Variants in SCN7A observed in about 807,000 individuals in gnomAD.
The protein encoded by SCN7A is sodium voltage-gated channel alpha subunit 7.
SCN7A carries 138 observed loss-of-function variants against 155.2 expected under a neutral mutation model. That is an observed-to-expected ratio of 0.89 (90% CI 0.77 to 1.02). The LOEUF (loss-of-function observed/expected upper bound fraction) is 1.02, where lower values mean the gene tolerates loss of function less well. Among genes scored for constraint, SCN7A ranks in the 50% least tolerant of loss-of-function variants. SCN7A has a pLI of 0.00. For synonymous variants in SCN7A, 693 were observed against 649.0 expected, an observed-to-expected ratio of 1.07 and a Z score of -1.03; for missense variants, 2,058 against 1,986.6, an observed-to-expected ratio of 1.04 and a Z score of -0.68.
At chr2:166,443,848 C>T (rs988361456) in intron 13 of SCN7A, among the ~76,000 whole-genome samples, 172 bp from the exon 14 acceptor site, 7 of 152,252 alleles carry the variant, frequency 4.6e-5, no homozygotes, top group Non-Finnish European at 8.8e-5. Flanking sequence ...CAGACTCATA[C>T]ATTTTATTTA....
intron 20 of SCN7A, 23 bp downstream of exon 20, chr2:166,421,167 T>C: frequency 7.1e-7 from 1 of 1,414,492 alleles, no homozygotes; most frequent in Non-Finnish European, 9.5e-7. Flanking sequence ...ATTTGTAGAT[T>C]AGCTTAGAAA....
At chr2:166,469,771 G>T (rs1702613453) in intron 7 of SCN7A, among the ~76,000 whole-genome samples, 1 of 151,882 alleles carries the variant, frequency 6.6e-6, no homozygotes, top group South Asian at 2.1e-4. Context: ...TCCTTCACTA[G>T]ATTTGGTAAA....
chr2:166,469,074 G>GT (rs1007339276), intron 7 of SCN7A, among the ~76,000 whole-genome samples: 3 of 149,538 alleles, frequency 2.0e-5, no homozygotes, highest in African/African-American at 7.4e-5. Context: ...TTTTTTTTAA[G>GT]TTTTTTCTAT....
intron 7 of SCN7A, among the ~76,000 whole-genome samples, chr2:166,468,796 T>G (rs1305340150): frequency 1.3e-5 from 2 of 151,816 alleles, no homozygotes; most frequent in African/African-American, 4.8e-5. Flanking sequence ...AAGTATAGAA[T>G]TCTAGTGTCT....
chr2:166,406,116 T>C lies in SCN7A; in HGVS notation c.4513A>G (p.Lys1505Glu). The part of the protein sequence containing the change: ...VMEFLNIASK[K>E]KNKTLSEDDF... ...TCTTCACTCAAGGTCTTGTTTTTCTTCTTAGAAGCAATATTTAAAAACTCC... is the reference window on the plus strand; with the variant it reads ...TCTTCACTCAAGGTCTTGTTTTTCTCCTTAGAAGCAATATTTAAAAACTCC... Residue 1505 changes from lysine (K) to glutamate (E), a missense_variant, in exon 26 of 26, where the codon AAG becomes GAG. Transcript: ENST00000643258. 3 of 1,611,892 alleles carry C rather than the reference T, an allele frequency of 1.9e-6. No individual in the cohort carries two copies. The highest frequency in any genetic ancestry group is 2.5e-6 in the Non-Finnish European group (3 of 1,178,830).
At position 166,405,474 on chromosome 2, in the gene SCN7A, G is replaced by T; in HGVS notation, c.*106C>A. On this transcript the variant is annotated 3_prime_UTR_variant, in exon 26 of 26. Coordinates refer to ENST00000643258, the MANE Select transcript of SCN7A (RefSeq NM_002976.4). ...TGTGAATACAAGCTTAATTACCATCGGTTGTAAAGAACTGATTATTATCTC... is the reference window on the plus strand; with the variant it reads ...TGTGAATACAAGCTTAATTACCATCTGTTGTAAAGAACTGATTATTATCTC... The T allele has an allele frequency of 1.2e-6, 1 of 812,620 alleles. No homozygotes were observed. Among genetic ancestry groups the T allele is most frequent in the Non-Finnish European group, 1.9e-6 (1 of 523,008 alleles). 50.3% of individuals were successfully genotyped at this position (812,620 alleles called of 1,614,324 possible). A position where few individuals can be genotyped will look rare whatever the true frequency, so the allele number is the denominator to read the frequency against.
chr2:166,406,251 T>A lies in SCN7A; in HGVS notation c.4378A>T (p.Thr1460Ser), dbSNP rs1314287458. The A allele has an allele frequency of 1.2e-6, 2 of 1,613,062 alleles. No individual in the cohort carries two copies. Among genetic ancestry groups the A allele is most frequent in the Non-Finnish European group, 1.7e-6 (2 of 1,179,532 alleles). Residue 1460 changes from threonine to serine, a missense_variant, in exon 26 of 26, where the codon ACT becomes TCT. Transcript: ENST00000643258. ...DCDPDKINPG[T>S]QVRGDCGNPS... Reference sequence around the variant, plus strand: ...TTCCCACAATCTCCTCTAACTTGAGTCCCAGGGTTAATTTTATCAGGATCA... The same window carrying A: ...TTCCCACAATCTCCTCTAACTTGAGACCCAGGGTTAATTTTATCAGGATCA...
At chr2:166,475,603 A>G (rs896240051) in intron 3 of SCN7A, among the ~76,000 whole-genome samples, 1 of 151,894 alleles carries the variant, frequency 6.6e-6, no homozygotes, top group Non-Finnish European at 1.5e-5. Context: ...AAAGAGCCAA[A>G]GTAAATCTGA....
chr2:166,449,756 C>T (rs988142517), intron 11 of SCN7A, among the ~76,000 whole-genome samples: 5 of 151,986 alleles, frequency 3.3e-5, no homozygotes, highest in African/African-American at 9.7e-5. Context: ...AATCATCTCC[C>T]ACCAGTAAGA....
intron 20 of SCN7A, among the ~76,000 whole-genome samples, chr2:166,419,235 C>A (rs1701456419): frequency 6.6e-6 from 1 of 151,704 alleles, no homozygotes; most frequent in Non-Finnish European, 1.5e-5. Flanking sequence ...TACATATTTA[C>A]TTAGGGGGGT....
At position 166,409,927 on chromosome 2, in the gene SCN7A, G is replaced by T; in HGVS notation, c.3720C>A (p.Leu1240=). ...TTACCACATCAAAGATGAATCCTTG[G>T]AGCTTGTTCTGTGGGTAAAATCAAC... The part of the protein sequence containing the change: ...QRPVPRPLNK[L]QGFIFDVVTS... Residue 1240 remains leucine (L), a synonymous_variant, in exon 25 of 26, where the codon CTC becomes CTA. Transcript: ENST00000643258. 1 of 1,561,116 alleles carries T rather than the reference G, an allele frequency of 6.4e-7. No homozygotes were observed. Among genetic ancestry groups the T allele is most frequent in the South Asian group, 1.2e-5 (1 of 84,018 alleles).
chr2:166,443,631 C>A lies in SCN7A; in HGVS notation c.1672G>T (p.Ala558Ser), dbSNP rs747754175. 1.9e-6 allele frequency: 3 copies of A among 1,561,278 alleles called. No homozygotes were observed. The highest frequency in any genetic ancestry group is 2.6e-6 in the Non-Finnish European group (3 of 1,152,488). The part of the protein sequence containing the change: ...FTAEMIFKII[A>S]MHPYGYFQVG... The stretch of plus-strand genomic sequence containing the variant: ...TGGAAATACCCATATGGATGCATTG[C>A]AATTATTTTAAAAATCATTTCTGCT... The change falls in exon 14 of 26, where the codon GCA (alanine) becomes TCA (serine). Residue 558 changes from alanine to serine, a missense_variant. By Grantham distance (99) the Ala-to-Ser change is moderately conservative. Transcript: ENST00000643258.
chr2:166,423,541 C>G (rs536763433), intron 18 of SCN7A, 109 bp from the exon 19 acceptor site: 2 of 1,221,148 alleles, frequency 1.6e-6, no homozygotes, highest in African/African-American at 3.1e-5. Context: ...ATGGTGAGCA[C>G]TGTCAGAGAT....
At chr2:166,423,131 G>T (rs1701546487) in intron 19 of SCN7A, 128 bp downstream of exon 19, 5 of 838,662 alleles carry the variant, frequency 6.0e-6, no homozygotes, top group Admixed American at 3.4e-5. Context: ...ACTAAGAAAG[G>T]TGTCATGTAC....
At chr2:166,456,387 A>T (rs1702274824) in intron 11 of SCN7A, among the ~76,000 whole-genome samples, 1 of 152,184 alleles carries the variant, frequency 6.6e-6, no homozygotes, top group Admixed American at 6.6e-5. Flanking sequence ...GCTCTAATAA[A>T]GCAACTATTT....
chr2:166,460,386 T>C (rs963017651), intron 10 of SCN7A, among the ~76,000 whole-genome samples: 3 of 152,222 alleles, frequency 2.0e-5, no homozygotes, highest in African/African-American at 7.2e-5. Context: ...ATTCTATGTG[T>C]AGATGCTGAG....
chr2:166,436,346 C>T, intron 15 of SCN7A: 1 of 409,708 alleles, frequency 2.4e-6, no homozygotes, highest in South Asian at 1.8e-5. Flanking sequence ...GCTTACCCCA[C>T]CTTCACTCTG....
Position 166,463,908 on chromosome 2 carries a change from C to A in SCN7A, c.942-1378G>T, listed in dbSNP as rs563308935. 9.2e-5 allele frequency among the ~76,000 whole-genome samples: 14 copies of A among 152,048 alleles called. No individual in the cohort carries two copies. The South Asian group carries it at 2.7e-3, about 29-fold the overall frequency. On this transcript the variant is annotated intron_variant, in intron 9 of 25. Coordinates refer to ENST00000643258, the MANE Select transcript of SCN7A (RefSeq NM_002976.4). The stretch of plus-strand genomic sequence containing the variant: ...CCATCTCTACTACAAACACAAAAAT[C>A]AGCCAGTAGTGGTGGCACATGCCTG...
At chr2:166,480,391 G>A (rs1295144701) in intron 2 of SCN7A, among the ~76,000 whole-genome samples, 1 of 151,594 alleles carries the variant, frequency 6.6e-6, no homozygotes. Context: ...CCGGGAGGCG[G>A]AGCTTGCAGT....
Sources: gnomAD v4.1 joint callset for allele counts (sites outside exome capture counted in the v4.1 genomes callset) on GRCh38, gnomAD v4.1.1 for gene constraint, MANE v1.5 for transcripts, NCBI Gene and HGNC (gene_info 2026-07-23, HGNC 2026-07-21) for gene names.